Variants in FAM120A observed in about 807,000 individuals in gnomAD.
FAM120A encodes constitutive coactivator of PPAR-gamma-like protein 1.
In FAM120A, 15 loss-of-function variants were observed where a neutral mutation model predicts 109.7. The observed-to-expected ratio is 0.14, with a 90% confidence interval of 0.09 to 0.21. The LOEUF (loss-of-function observed/expected upper bound fraction) is 0.21. FAM120A is among the 10% of genes least tolerant of loss of function. The pLI is 1.00. For synonymous variants in FAM120A, 493 were observed against 572.8 expected, an observed-to-expected ratio of 0.86 and a Z score of 1.99; for missense variants, 899 against 1,439.3, an observed-to-expected ratio of 0.62 and a Z score of 6.07.
chr9:93,509,410 G>A (rs1008375344), intron 5 of FAM120A, among the ~76,000 whole-genome samples: 31 of 152,248 alleles, frequency 2.0e-4, no homozygotes, highest in African/African-American at 7.5e-4. Flanking sequence ...ATAGAAGCTG[G>A]TGATGACTTT....
In FAM120A at chr9:93,452,777, C is replaced by T; in HGVS notation, c.474+388C>T. ...CAAAATACTCCCTTTTCTAATTTAG[C>T]CTGTTCTTTCCCAGCAACAGGTTCA... On this transcript the variant is annotated intron_variant, in intron 1 of 17. Transcript: ENST00000277165. This position sits in a 1 kb window ranked among gnomAD's most constrained non-coding sequence, Gnocchi z 7.0. The T allele has an allele frequency of 6.3e-7, 1 of 1,594,414 alleles. No homozygotes were observed. Among genetic ancestry groups the T allele is most frequent in the Non-Finnish European group, 8.5e-7 (1 of 1,178,656 alleles).
chr9:93,516,643 C>T (rs150058638), intron 7 of FAM120A, among the ~76,000 whole-genome samples: 3,601 of 152,238 alleles, frequency 0.024, 154 homozygotes, highest in African/African-American at 0.082. Context: ...CATTAATCTT[C>T]TGGCTCCTGG....
chr9:93,523,718 A>T (rs1429041839), intron 7 of FAM120A, among the ~76,000 whole-genome samples: 1 of 152,250 alleles, frequency 6.6e-6, no homozygotes, highest in Non-Finnish European at 1.5e-5. Flanking sequence ...TCTTCTGATG[A>T]CAGCGAGAAG....
intron 8 of FAM120A, among the ~76,000 whole-genome samples, chr9:93,528,593 A>G (rs1423126850): frequency 6.6e-6 from 1 of 152,010 alleles, no homozygotes; most frequent in Non-Finnish European, 1.5e-5. Context: ...ATGTCCATAC[A>G]CTCCATGTTT....
intron 10 of FAM120A, among the ~76,000 whole-genome samples, chr9:93,542,272 G>C (rs1209399751): frequency 1.3e-5 from 2 of 152,186 alleles, no homozygotes; most frequent in African/African-American, 4.8e-5. Flanking sequence ...TGGTTCTGGT[G>C]TTTATTCAAC....
chr9:93,453,527 T>C, intron 1 of FAM120A: 1 of 985,492 alleles, frequency 1.0e-6, no homozygotes, highest in Non-Finnish European at 1.2e-6. Flanking sequence ...GTTTGTGAAA[T>C]TCTGTCTTCG....
At chr9:93,562,099 G>A (rs1391770612) in intron 16 of FAM120A, 109 bp from the exon 17 acceptor site, 6 of 938,390 alleles carry the variant, frequency 6.4e-6, no homozygotes, top group Non-Finnish European at 9.7e-6. Flanking sequence ...GGTTAATTCA[G>A]TGCTTCATAA....
At chr9:93,495,733 GTGGTTGC>G (rs1859547034) in intron 3 of FAM120A, among the ~76,000 whole-genome samples, 1 of 152,202 alleles carries the variant, frequency 6.6e-6, no homozygotes, top group Non-Finnish European at 1.5e-5. Flanking sequence ...GATAAGGGTG[GTGGTTGC>G]TGGAGGTTGG....
chr9:93,494,125 A>G (rs1220563169), intron 3 of FAM120A, among the ~76,000 whole-genome samples: 1 of 152,168 alleles, frequency 6.6e-6, no homozygotes, highest in Non-Finnish European at 1.5e-5. Context: ...GTTCAGGCAG[A>G]GCAGGAAGCT....
Position 93,525,005 on chromosome 9 carries a change from T to C in FAM120A, c.1419-2150T>C, listed in dbSNP as rs149605299. On this transcript the variant is annotated intron_variant, in intron 7 of 17. Transcript: ENST00000277165. Reference sequence around the variant, plus strand: ...TATATAGAAGTATTCTAAAATGTTATCCATCTGTTCTTCAAAGCAAGGCAT... The same window carrying C: ...TATATAGAAGTATTCTAAAATGTTACCCATCTGTTCTTCAAAGCAAGGCAT... 1.3e-3 allele frequency among the ~76,000 whole-genome samples: 201 copies of C among 152,314 alleles called. 1 individual carries two copies. The highest frequency in any genetic ancestry group is 2.3e-3 in the Non-Finnish European group (158 of 68,018).
intron 10 of FAM120A, among the ~76,000 whole-genome samples, chr9:93,537,461 CTCCCATT>C (rs1350265723): frequency 3.3e-5 from 5 of 151,936 alleles, no homozygotes; most frequent in Non-Finnish European, 7.4e-5. Flanking sequence ...TGTTTCTTGC[CTCCCATT>C]TCCTACAAAA....
chr9:93,490,180 C>G (rs1406865776), intron 3 of FAM120A, among the ~76,000 whole-genome samples: 1 of 152,202 alleles, frequency 6.6e-6, no homozygotes, highest in Admixed American at 6.5e-5. Flanking sequence ...CAGAGTACTT[C>G]CCCTTCACTG....
chr9:93,503,361 A>G (rs1372650866), intron 5 of FAM120A, among the ~76,000 whole-genome samples: 1 of 152,246 alleles, frequency 6.6e-6, no homozygotes, highest in Non-Finnish European at 1.5e-5. Flanking sequence ...CAACAGGGAA[A>G]TAAAGTTTGG....
intron 3 of FAM120A, among the ~76,000 whole-genome samples, chr9:93,496,539 C>A (rs1217829272): frequency 6.6e-6 from 1 of 152,172 alleles, no homozygotes; most frequent in African/African-American, 2.4e-5. Context: ...TCGGGAGGAT[C>A]CCAGCCCGTC....
chr9:93,504,142 A>G (rs1476168529), intron 5 of FAM120A, among the ~76,000 whole-genome samples: 1 of 152,148 alleles, frequency 6.6e-6, no homozygotes, highest in African/African-American at 2.4e-5. Context: ...GAAGAAGTGT[A>G]TTCCATGCAG....
At position 93,529,646 on chromosome 9, in the gene FAM120A, T is replaced by C. The variant is rs759789168; in HGVS notation, c.1734+66T>C. On this transcript the variant is annotated intron_variant, in intron 9 of 17. Transcript: ENST00000277165. ...TGAGTGGCCATTCCTATGGGTGTTT[T>C]GTCCTTTTGTCCTTTTTTGAACCAT... 4.4e-5 allele frequency: 61 copies of C among 1,384,608 alleles called. No individual in the cohort carries two copies. In the Middle Eastern group the frequency reaches 8.8e-4, roughly 20 times the overall value. 85.8% of individuals were successfully genotyped at this position (1,384,608 alleles called of 1,614,324 possible).
At chr9:93,484,730 C>T (rs1564319997) in intron 3 of FAM120A, among the ~76,000 whole-genome samples, 2 of 152,154 alleles carry the variant, frequency 1.3e-5, no homozygotes, top group Non-Finnish European at 2.9e-5. Context: ...TGTGCCACCA[C>T]GCCTGGCTGA....
At chr9:93,466,670 G>A (rs10821132) in intron 1 of FAM120A, among the ~76,000 whole-genome samples, 35,360 of 151,828 alleles carry the variant, frequency 0.23, 5,208 homozygotes, top group East Asian at 0.4. Context: ...TTGGGGGTCC[G>A]TGTAAGGAGA....
chr9:93,498,893 A>G lies in FAM120A; in HGVS notation c.1030+7A>G. The stretch of plus-strand genomic sequence containing the variant: ...CATCCACCACATTACTTAGGTAAGT[A>G]AATAAAAGCCTGTGATCAATATTGA... On this transcript the variant is annotated splice_region_variant and intron_variant, in intron 5 of 17. Transcript: ENST00000277165. This position sits in a 1 kb window ranked among gnomAD's most constrained non-coding sequence, Gnocchi z 4.4. The G allele has an allele frequency of 6.7e-7, 1 of 1,495,646 alleles. No individual in the cohort carries two copies. Among genetic ancestry groups the G allele is most frequent in the Non-Finnish European group, 9.3e-7 (1 of 1,071,982 alleles). The allele number at this position is 1,495,646 out of a possible 1,614,324, so 92.6% of individuals were successfully genotyped here.
Sources: gnomAD v4.1 joint callset for allele counts (sites outside exome capture counted in the v4.1 genomes callset) on GRCh38, gnomAD v4.1.1 for gene constraint, Gnocchi (gnomAD v3.1) non-coding constraint, MANE v1.5 for transcripts, NCBI Gene and HGNC (gene_info 2026-07-23, HGNC 2026-07-21) for gene names.